The following WWOX variants were observed in gnomAD, a reference collection of about 807,000 sequenced individuals.
WWOX encodes WW domain-containing oxidoreductase.
A neutral mutation model predicts 46.2 loss-of-function variants in WWOX; 69 were observed. The observed-to-expected ratio is 1.49, with a 90% confidence interval of 1.23 to 1.82. The LOEUF (loss-of-function observed/expected upper bound fraction) is 1.82. Ranked by LOEUF, WWOX falls within the 40% of genes most tolerant of loss-of-function variation. The pLI is 0.00. For synonymous variants in WWOX, 359 were observed against 202.6 expected (o/e 1.77, Z -6.56); for missense variants, 919 against 542.6 (o/e 1.69, Z -6.89).
In WWOX at chr16:78,600,999, A is replaced by G. The variant is rs111727619; in HGVS notation, c.1056+168247A>G. On this transcript the variant is annotated intron_variant, in intron 8 of 8. Transcript: ENST00000566780. ...GAGCTTCTGCCATCCCTCTGTCACTATTTAAAGCATTGCCTGCACCCTCAA... is the reference window on the plus strand; with the variant it reads ...GAGCTTCTGCCATCCCTCTGTCACTGTTTAAAGCATTGCCTGCACCCTCAA... Among the ~76,000 whole-genome samples, 88 of 152,248 alleles carry G rather than the reference A, an allele frequency of 5.8e-4. 2 individuals are homozygous for G. The highest frequency in any genetic ancestry group is 2.0e-3 in the African/African-American group (85 of 41,548).
chr16:78,576,102 A>G (rs76116965), intron 8 of WWOX, among the ~76,000 whole-genome samples: 4,534 of 152,220 alleles, frequency 0.03, 158 homozygotes, highest in East Asian at 0.12. Flanking sequence ...GTTGTCTGAC[A>G]GTTTCCCTCT....
chr16:79,104,787 G>C (rs911982991), intron 8 of WWOX, among the ~76,000 whole-genome samples: 1 of 152,072 alleles, frequency 6.6e-6, no homozygotes, highest in African/African-American at 2.4e-5. Flanking sequence ...AAGAATGCAC[G>C]CTGGGAATTC....
intron 8 of WWOX, among the ~76,000 whole-genome samples, chr16:79,125,401 A>C (rs1007473672): frequency 6.6e-6 from 1 of 152,254 alleles, no homozygotes; most frequent in Non-Finnish European, 1.5e-5. Context: ...GGGATGTGCA[A>C]AATAAGCCTT....
chr16:78,368,054 G>A (rs1046530765), intron 5 of WWOX, among the ~76,000 whole-genome samples: 2 of 152,158 alleles, frequency 1.3e-5, no homozygotes, highest in Non-Finnish European at 2.9e-5. Flanking sequence ...TCTGTGCCCG[G>A]CTTCTGCCAG....
At chr16:78,767,825 C>T (rs935454446) in intron 8 of WWOX, among the ~76,000 whole-genome samples, 1 of 152,138 alleles carries the variant, frequency 6.6e-6, no homozygotes, top group Non-Finnish European at 1.5e-5. Context: ...CGTACTTTCA[C>T]GTGCCTACTG....
intron 8 of WWOX, among the ~76,000 whole-genome samples, chr16:78,963,745 A>G (rs1367825690): frequency 2.0e-5 from 3 of 152,176 alleles, no homozygotes; most frequent in Admixed American, 6.5e-5. Context: ...CCATTTTAAG[A>G]TACAGAAAGT....
chr16:78,446,184 A>C (rs945252520), intron 8 of WWOX, among the ~76,000 whole-genome samples: 7 of 152,238 alleles, frequency 4.6e-5, no homozygotes, highest in Admixed American at 4.6e-4. Flanking sequence ...TTAATGTACA[A>C]TGGTGAAGAA....
Position 78,510,346 on chromosome 16 carries a change from T to C in WWOX, c.1056+77594T>C, listed in dbSNP as rs543702330. Among the ~76,000 whole-genome samples the C allele has an allele frequency of 3.3e-5, 5 of 152,218 alleles. No individual in the cohort carries two copies. In the South Asian group the frequency reaches 1.0e-3, roughly 32 times the overall value. On this transcript the variant is annotated intron_variant, in intron 8 of 8. Coordinates refer to ENST00000566780, the MANE Select transcript of WWOX (RefSeq NM_016373.4). ...TCCGCTTCCCAAGTACCTGGGATTA[T>C]AGACACCCACCACCATGCACAGCTA...
At position 78,674,304 on chromosome 16, in the gene WWOX, A is replaced by G. The variant is rs550037068; in HGVS notation, c.1056+241552A>G. The stretch of plus-strand genomic sequence containing the variant: ...TTTTTTTTTTTTTTTTCTTTTTTCG[A>G]GAAAGAGTTTTGCTCTTTTCCCCAG... On this transcript the variant is annotated intron_variant, in intron 8 of 8. Transcript: ENST00000566780. Among the ~76,000 whole-genome samples, 13 of 141,102 alleles carry G rather than the reference A, an allele frequency of 9.2e-5. No individual in the cohort carries two copies. In the South Asian group the frequency reaches 2.9e-3, roughly 31 times the overall value. 92.6% of individuals were successfully genotyped at this position (141,102 alleles called of 152,430 possible). A position where few individuals can be genotyped will look rare whatever the true frequency, so the allele number is the denominator to read the frequency against.
intron 6 of WWOX, among the ~76,000 whole-genome samples, chr16:78,419,938 A>C (rs188523319): frequency 2.6e-5 from 4 of 152,168 alleles, no homozygotes; most frequent in East Asian, 3.9e-4. Context: ...TTACAATTCA[A>C]TAATGAAAAC....
intron 8 of WWOX, among the ~76,000 whole-genome samples, chr16:79,163,860 A>G (rs2050537637): frequency 6.8e-6 from 1 of 147,020 alleles, no homozygotes; most frequent in Admixed American, 6.9e-5. Flanking sequence ...GAGAAAGTGA[A>G]AGCAACAGTA....
intron 8 of WWOX, among the ~76,000 whole-genome samples, chr16:78,838,742 C>G (rs2052058999): frequency 6.6e-6 from 1 of 152,146 alleles, no homozygotes; most frequent in Non-Finnish European, 1.5e-5. Context: ...ACTCGGGAGG[C>G]TGAGACAGGA....
chr16:78,137,043 C>G (rs926162129), intron 4 of WWOX, among the ~76,000 whole-genome samples: 1 of 152,140 alleles, frequency 6.6e-6, no homozygotes, highest in African/African-American at 2.4e-5. Context: ...ATTCACATAC[C>G]ATTCACAACA....
At chr16:78,421,091 T>C (rs1419421201) in intron 6 of WWOX, among the ~76,000 whole-genome samples, 1 of 152,210 alleles carries the variant, frequency 6.6e-6, no homozygotes, top group Non-Finnish European at 1.5e-5. Context: ...TTCTTGGGCA[T>C]AAACGTTTAT....
At chr16:79,037,558 T>G (rs932951107) in intron 8 of WWOX, among the ~76,000 whole-genome samples, 7 of 152,258 alleles carry the variant, frequency 4.6e-5, no homozygotes, top group African/African-American at 1.7e-4. Context: ...AGACCACATT[T>G]AAATCTGTGT....
At chr16:78,786,141 C>G (rs761789644) in intron 8 of WWOX, among the ~76,000 whole-genome samples, 12 of 152,124 alleles carry the variant, frequency 7.9e-5, no homozygotes, top group Non-Finnish European at 1.3e-4. Context: ...AACTCCTGCC[C>G]TCCGGTGATC....
intron 8 of WWOX, among the ~76,000 whole-genome samples, chr16:79,078,492 C>T (rs925618975): frequency 1.9e-4 from 29 of 152,290 alleles, no homozygotes; most frequent in African/African-American, 7.0e-4. Context: ...CAACATTTCT[C>T]TCTGTAGGTG....
At chr16:78,651,660 C>G (rs891861727) in intron 8 of WWOX, among the ~76,000 whole-genome samples, 1 of 152,246 alleles carries the variant, frequency 6.6e-6, no homozygotes, top group African/African-American at 2.4e-5. Flanking sequence ...GCCATGACCA[C>G]TGCCTCCCCT....
intron 4 of WWOX, among the ~76,000 whole-genome samples, chr16:78,152,062 C>G (rs974351196): frequency 6.6e-6 from 1 of 152,020 alleles, no homozygotes; most frequent in Non-Finnish European, 1.5e-5. Flanking sequence ...TGGTGGCGGG[C>G]GCCTGTAGTC....
Sources: allele counts gnomAD v4.1 joint callset (sites outside exome capture counted in the v4.1 genomes callset), GRCh38; gene constraint gnomAD v4.1.1; transcripts MANE v1.5; gene names NCBI Gene and HGNC (gene_info 2026-07-23, HGNC 2026-07-21).